Variants in KANK1 observed in about 807,000 individuals in gnomAD.
KANK1 encodes the protein KN motif and ankyrin repeat domains 1.
Under a neutral mutation model 106.2 loss-of-function variants are expected in KANK1, and 109 were observed. That is an observed-to-expected ratio of 1.03 (90% CI 0.88 to 1.20). The LOEUF (loss-of-function observed/expected upper bound fraction) is 1.20. Among genes scored for constraint, KANK1 ranks in the 50% most tolerant of loss-of-function variants. The pLI, the probability that KANK1 is intolerant of heterozygous loss-of-function variation, is 0.00. For synonymous variants in KANK1, 873 were observed against 652.2 expected (o/e 1.34, Z -5.16); for missense variants, 2,399 against 1,710.7 (o/e 1.40, Z -7.10).
At position 744,608 on chromosome 9, in the gene KANK1, G is replaced by A; in HGVS notation, c.3996+19G>A. ...GTCTCCGGTCAGTGTTGTGCATTTGGCATTTGTAAATAGGCTGAAATCCAC... is the reference window on the plus strand; with the variant it reads ...GTCTCCGGTCAGTGTTGTGCATTTGACATTTGTAAATAGGCTGAAATCCAC... On this transcript the variant is annotated intron_variant, in intron 11 of 11. Transcript: ENST00000382297. The A allele has an allele frequency of 6.2e-7, 1 of 1,614,060 alleles. No homozygotes were observed.
intron 1 of KANK1, among the ~76,000 whole-genome samples, chr9:528,806 T>A (rs545627401): frequency 3.3e-5 from 5 of 151,058 alleles, no homozygotes; most frequent in Admixed American, 2.6e-4. Context: ...TATGTCTCAA[T>A]TTTTTTTTCT....
At chr9:597,806 G>A (rs1826602710) in intron 1 of KANK1, among the ~76,000 whole-genome samples, 1 of 151,504 alleles carries the variant, frequency 6.6e-6, no homozygotes, top group African/African-American at 2.4e-5. Context: ...TGGGATTACA[G>A]GCATGCATCA....
In KANK1 at chr9:712,020, C is replaced by G. The variant is rs746956226; in HGVS notation, c.1254C>G (p.Gly418=). The part of the protein sequence containing the change: ...NMNDIVVYHR[G]SRSCKDAAVG... ...ACGACATCGTCGTGTACCACAGAGG[C>G]TCCAGGTCCTGTAAGGATGCAGCTG... The change falls in exon 3 of 12, where the codon GGC becomes GGG. Residue 418 remains glycine, a synonymous_variant. Coordinates refer to ENST00000382297, the MANE Select transcript of KANK1 (RefSeq NM_015158.5). 1 of 1,614,004 alleles carries G rather than the reference C, an allele frequency of 6.2e-7. No homozygotes were observed. The highest frequency in any genetic ancestry group is 8.5e-7 in the Non-Finnish European group (1 of 1,180,044).
At chr9:737,938 C>T (rs1159890319) in intron 7 of KANK1, among the ~76,000 whole-genome samples, 1 of 152,134 alleles carries the variant, frequency 6.6e-6, no homozygotes, top group Non-Finnish European at 1.5e-5. Flanking sequence ...TGGTATTATC[C>T]AGTTTTTCAG....
At chr9:493,461 C>G (rs567992032) in intron 3 of KANK1, among the ~76,000 whole-genome samples, 67 of 151,868 alleles carry the variant, frequency 4.4e-4, no homozygotes, top group African/African-American at 1.6e-3. Context: ...TGAGCCAGAA[C>G]CATCCAGTGA....
intron 2 of KANK1, among the ~76,000 whole-genome samples, chr9:686,530 G>T (rs1818614171): frequency 6.6e-6 from 1 of 152,160 alleles, no homozygotes; most frequent in Non-Finnish European, 1.5e-5. Context: ...ACTGGTCGGG[G>T]AGGGAGGGAT....
intron 1 of KANK1, among the ~76,000 whole-genome samples, chr9:600,029 AT>A (rs1301804122): frequency 1.3e-5 from 2 of 151,818 alleles, no homozygotes; most frequent in African/African-American, 4.9e-5. Flanking sequence ...ATTACCTTAA[AT>A]TTTTTTAAAG....
Position 711,362 on chromosome 9 carries a change from T to C in KANK1, c.596T>C (p.Phe199Ser). The C allele has an allele frequency of 6.2e-7, 1 of 1,614,152 alleles. No individual in the cohort carries two copies. The highest frequency in any genetic ancestry group is 1.1e-5 in the South Asian group (1 of 91,080). The change falls in exon 3 of 12, where the codon TTT (phenylalanine) becomes TCT (serine). Residue 199 changes from phenylalanine to serine, a missense_variant. Physicochemically the swap from Phe to Ser is radical, Grantham distance 155 (BLOSUM62 -2). Coordinates refer to ENST00000382297, the MANE Select transcript of KANK1 (RefSeq NM_015158.5). ...GMGTTSSLPSFVGSGNHNPAK... is the reference protein window; with the variant it reads ...GMGTTSSLPSSVGSGNHNPAK... ...GGCACCACAAGCTCCCTCCCTTCTT[T>C]TGTGGGTTCTGGAAACCACAATCCT...
chr9:724,363 C>T (rs1830133084), intron 3 of KANK1, among the ~76,000 whole-genome samples: 1 of 152,150 alleles, frequency 6.6e-6, no homozygotes, highest in African/African-American at 2.4e-5. Context: ...AATGGGAAGA[C>T]AGGAGTTTAT....
At chr9:543,358 C>G (rs1321467894) in intron 1 of KANK1, among the ~76,000 whole-genome samples, 2 of 151,908 alleles carry the variant, frequency 1.3e-5, no homozygotes, top group African/African-American at 4.8e-5. Context: ...GAGTTTGAGA[C>G]CAGCCTGGCC....
At chr9:509,645 A>T (rs1239806702) in intron 1 of KANK1, among the ~76,000 whole-genome samples, 1 of 152,190 alleles carries the variant, frequency 6.6e-6, no homozygotes. Flanking sequence ...TTACTAGTAC[A>T]TACCGTTGTG....
At chr9:680,008 A>T (rs1168756200) in intron 2 of KANK1, among the ~76,000 whole-genome samples, 2 of 152,176 alleles carry the variant, frequency 1.3e-5, no homozygotes, top group African/African-American at 4.8e-5. Context: ...TGAAGATGAG[A>T]TAAAGAGGGC....
chr9:591,351 T>C (rs753603405), intron 1 of KANK1, among the ~76,000 whole-genome samples: 18 of 151,846 alleles, frequency 1.2e-4, no homozygotes, highest in Non-Finnish European at 1.9e-4. Context: ...TTGCCCATTG[T>C]CAGTTCTTTA....
intron 2 of KANK1, chr9:706,965 G>C (rs1824401669): frequency 1.0e-6 from 1 of 985,372 alleles, no homozygotes; most frequent in Admixed American, 6.1e-5. Context: ...CGGGAGTGAA[G>C]AACACACATT....
Position 713,077 on chromosome 9 carries a change from CT to C in KANK1, c.2312del (p.Leu771ArgfsTer6). 11 of 1,613,694 alleles carry C rather than the reference CT, an allele frequency of 6.8e-6. No homozygotes were observed. Among genetic ancestry groups the C allele is most frequent in the Non-Finnish European group, 9.3e-6 (11 of 1,179,698 alleles). On this transcript the variant is annotated frameshift_variant, in exon 3 of 12. Coordinates refer to ENST00000382297, the MANE Select transcript of KANK1 (RefSeq NM_015158.5). LOFTEE classifies it high-confidence loss of function. ...VGQININDNYLVGLKMRTIAC... is the reference protein window; with the variant it reads ...VGQININDNYXVGLKMRTIAC... ...GCAGATAAATATTAACGACAACTAT[CT>C]GGTTGGTCTCAAAATGAGGACTATA... is the stretch of plus-strand genomic sequence containing the variant.
chr9:647,465 A>C (rs151053713), intron 1 of KANK1, among the ~76,000 whole-genome samples: 1,886 of 151,104 alleles, frequency 0.012, 43 homozygotes, highest in Non-Finnish European at 0.017. Context: ...TCTGTCTTTA[A>C]CATTGGTCAG....
At chr9:719,318 T>G (rs1215047025) in intron 3 of KANK1, among the ~76,000 whole-genome samples, 1 of 152,218 alleles carries the variant, frequency 6.6e-6, no homozygotes, top group East Asian at 1.9e-4. Flanking sequence ...TTTGAATTTT[T>G]AGTCATACTT....
intron 1 of KANK1, among the ~76,000 whole-genome samples, chr9:518,817 T>C (rs995891859): frequency 2.0e-5 from 3 of 151,586 alleles, no homozygotes; most frequent in African/African-American, 4.9e-5. Flanking sequence ...AGAGGCAGGC[T>C]CAGGGACCCA....
chr9:607,392 G>A (rs1829478438), intron 1 of KANK1, among the ~76,000 whole-genome samples: 2 of 150,290 alleles, frequency 1.3e-5, no homozygotes, highest in South Asian at 2.1e-4. Flanking sequence ...CGGTGAGGCA[G>A]GAGAATCGCT....
Sources: allele counts gnomAD v4.1 joint callset (sites outside exome capture counted in the v4.1 genomes callset), GRCh38; gene constraint gnomAD v4.1.1; transcripts MANE v1.5; gene names NCBI Gene and HGNC (gene_info 2026-07-23, HGNC 2026-07-21).